The following TNIP3 variants were observed in gnomAD, a reference collection of about 807,000 sequenced individuals.
TNIP3 encodes TNFAIP3-interacting protein 3.
TNIP3 carries 34 observed loss-of-function variants against 54.1 expected under a neutral mutation model. That is an observed-to-expected ratio of 0.63 (90% confidence interval 0.48 to 0.84). The LOEUF (loss-of-function observed/expected upper bound fraction) is 0.84. Ranked by LOEUF, TNIP3 falls within the 40% of genes least tolerant of loss-of-function variation. The pLI, the probability that TNIP3 is intolerant of heterozygous loss-of-function variation, is 0.00. For missense variants in TNIP3, 366 were observed against 387.6 expected (o/e 0.94, Z 0.47); for synonymous variants, 134 against 136.8 (o/e 0.98, Z 0.14).
At chr4:121,223,505 T>A (rs1355319223) in intron 1 of TNIP3, among the ~76,000 whole-genome samples, 1 of 152,244 alleles carries the variant, frequency 6.6e-6, no homozygotes, top group Non-Finnish European at 1.5e-5. Context: ...TCATGTCCTA[T>A]AAGAAAATCA....
chr4:121,190,516 A>G (rs1370459076), intron 2 of TNIP3, among the ~76,000 whole-genome samples: 1 of 152,180 alleles, frequency 6.6e-6, no homozygotes, highest in Non-Finnish European at 1.5e-5. Flanking sequence ...TATCCATATT[A>G]TGTCTTTCCT....
At chr4:121,221,854 T>C (rs1385207452) in intron 1 of TNIP3, among the ~76,000 whole-genome samples, 1 of 152,194 alleles carries the variant, frequency 6.6e-6, no homozygotes, top group African/African-American at 2.4e-5. Context: ...TTTATAGCAG[T>C]AAAGTTTTTT....
chr4:121,151,134 G>A (rs1265398511), intron 5 of TNIP3, among the ~76,000 whole-genome samples: 1 of 152,156 alleles, frequency 6.6e-6, no homozygotes, highest in Non-Finnish European at 1.5e-5. Flanking sequence ...TATTGTGACA[G>A]AACACTTCTC....
chr4:121,146,508 T>G (rs1729440195), intron 7 of TNIP3, among the ~76,000 whole-genome samples: 1 of 152,222 alleles, frequency 6.6e-6, no homozygotes, highest in Non-Finnish European at 1.5e-5. Context: ...CAATTACACT[T>G]AATTTTAGTA....
intron 2 of TNIP3, among the ~76,000 whole-genome samples, chr4:121,212,039 T>A (rs1039253736): frequency 5.9e-5 from 9 of 152,248 alleles, no homozygotes; most frequent in African/African-American, 2.2e-4. Flanking sequence ...GGGAAAATTC[T>A]AATTTGGTAT....
intron 2 of TNIP3, among the ~76,000 whole-genome samples, chr4:121,209,180 C>T (rs1183950261): frequency 6.6e-6 from 1 of 152,210 alleles, no homozygotes; most frequent in African/African-American, 2.4e-5. Flanking sequence ...ATGCCTCACC[C>T]TTTGGATTCT....
At chr4:121,140,820 A>G (rs1287516459) in intron 9 of TNIP3, among the ~76,000 whole-genome samples, 1 of 152,244 alleles carries the variant, frequency 6.6e-6, no homozygotes, top group Non-Finnish European at 1.5e-5. Flanking sequence ...CCGCAATAAC[A>G]TGAAAAGACT....
intron 3 of TNIP3, among the ~76,000 whole-genome samples, chr4:121,176,668 A>C (rs2148824395): frequency 6.6e-6 from 1 of 151,514 alleles, no homozygotes; most frequent in East Asian, 1.9e-4. Flanking sequence ...TAAAAAAAAA[A>C]CAGCTTTCAA....
At chr4:121,194,599 A>T (rs1725466245) in intron 2 of TNIP3, among the ~76,000 whole-genome samples, 1 of 152,196 alleles carries the variant, frequency 6.6e-6, no homozygotes, top group Non-Finnish European at 1.5e-5. Context: ...GCGATGGCGT[A>T]TTCTAGCCCA....
chr4:121,210,207 C>T (rs888917436), intron 2 of TNIP3, among the ~76,000 whole-genome samples: 1 of 151,996 alleles, frequency 6.6e-6, no homozygotes, highest in African/African-American at 2.4e-5. Flanking sequence ...GGTATTTCAC[C>T]ATCCTTTAAT....
exon 3 of TNIP3, chr4:121,182,754 A>T (rs906243190): frequency 2.0e-6 from 3 of 1,534,166 alleles, no homozygotes. Flanking sequence ...CATTTCTCTC[A>T]ATCAGATCCT....
intron 2 of TNIP3, among the ~76,000 whole-genome samples, chr4:121,197,795 T>C (rs1725679716): frequency 6.6e-6 from 1 of 152,148 alleles, no homozygotes; most frequent in Non-Finnish European, 1.5e-5. Context: ...ATGAAGATTG[T>C]TGGTATTATT....
intron 2 of TNIP3, among the ~76,000 whole-genome samples, chr4:121,210,147 C>G (rs7680038): frequency 0.32 from 48,383 of 151,920 alleles, 8,828 homozygotes; most frequent in African/African-American, 0.5. Context: ...TTTGCTATCA[C>G]CTTTGCTCAA....
chr4:121,145,283 G>A (rs1032778237), intron 7 of TNIP3, among the ~76,000 whole-genome samples: 2 of 152,020 alleles, frequency 1.3e-5, no homozygotes, highest in Admixed American at 1.3e-4. Context: ...TTCTCCTATT[G>A]AGTAAATGAG....
At chr4:121,210,651 G>T (rs909860477) in intron 2 of TNIP3, among the ~76,000 whole-genome samples, 2 of 152,122 alleles carry the variant, frequency 1.3e-5, no homozygotes, top group Admixed American at 6.5e-5. Flanking sequence ...TCATTCTAAG[G>T]CCTCTTTTCA....
At chr4:121,156,977 G>C in intron 4 of TNIP3, 117 bp downstream of exon 4, 1 of 1,347,584 alleles carries the variant, frequency 7.4e-7, no homozygotes, top group Non-Finnish European at 1.0e-6. Context: ...CTTGCACATC[G>C]GTCGTTGCTC....
chr4:121,171,011 T>C (rs1404454339), intron 3 of TNIP3, among the ~76,000 whole-genome samples: 1 of 152,150 alleles, frequency 6.6e-6, no homozygotes, highest in Non-Finnish European at 1.5e-5. Flanking sequence ...AGTTGGGGTT[T>C]CATCATGTTG....
upstream of TNIP3, among the ~76,000 whole-genome samples, chr4:121,166,338 T>G (rs1579426232): frequency 6.6e-6 from 1 of 152,198 alleles, no homozygotes; most frequent in East Asian, 1.9e-4. Context: ...TTCAGAAAAA[T>G]GAGACTTTCA....
chr4:121,205,874 C>G (rs552847409), intron 2 of TNIP3, among the ~76,000 whole-genome samples: 1 of 152,236 alleles, frequency 6.6e-6, no homozygotes, highest in South Asian at 2.1e-4. Flanking sequence ...TTAATTGACT[C>G]ACAGTTCTGC....
Sources: gnomAD v4.1 joint callset for allele counts (sites outside exome capture counted in the v4.1 genomes callset) on GRCh38, gnomAD v4.1.1 for gene constraint, MANE v1.5 for transcripts, NCBI Gene and HGNC (gene_info 2026-07-23, HGNC 2026-07-21) for gene names.